The following EXOC4 variants were observed in gnomAD, a reference collection of about 807,000 sequenced individuals.
EXOC4 encodes exocyst complex component 4.
EXOC4 carries 71 observed loss-of-function variants against 107.2 expected under a neutral mutation model. The observed-to-expected ratio is 0.66, with a 90% CI of 0.55 to 0.81. EXOC4 has a LOEUF of 0.81. EXOC4 is among the 30% of genes least tolerant of loss of function. The pLI is 0.00. For missense variants in EXOC4, 1,108 were observed against 1,189.6 expected (o/e 0.93, Z 1.01); for synonymous variants, 456 against 441.2 (o/e 1.03, Z -0.42).
intron 9 of EXOC4, among the ~76,000 whole-genome samples, chr7:133,547,668 A>G (rs1424619718): frequency 6.6e-6 from 1 of 152,202 alleles, no homozygotes; most frequent in East Asian, 1.9e-4. Flanking sequence ...TCAAGAGTAG[A>G]TTACATCTCA....
In EXOC4 at chr7:133,572,561, C is replaced by T. The variant is rs867453776; in HGVS notation, c.1418-57484C>T. 1.0e-3 allele frequency among the ~76,000 whole-genome samples: 156 copies of T among 152,094 alleles called. 1 individual carries two copies. Among genetic ancestry groups the T allele is most frequent in the African/African-American group, 3.5e-3 (147 of 41,494 alleles). On this transcript the variant is annotated intron_variant, in intron 9 of 17. Transcript: ENST00000253861. ...AAAATTGATAGTCTTCCTGTGTGTA[C>T]AGGAAAGATTTCTAGCATTTGAAAG...
intron 7 of EXOC4, among the ~76,000 whole-genome samples, chr7:133,413,041 T>C (rs528712465): frequency 4.6e-5 from 7 of 152,238 alleles, no homozygotes; most frequent in African/African-American, 1.7e-4. Context: ...AGAAGGGTGA[T>C]TGGCATTTTA....
chr7:133,745,468 T>G (rs1795654139), intron 10 of EXOC4, among the ~76,000 whole-genome samples: 1 of 152,094 alleles, frequency 6.6e-6, no homozygotes, highest in South Asian at 2.1e-4. Flanking sequence ...TAGGAAGTAT[T>G]TTGTACACAG....
chr7:133,366,084 G>A (rs1000427113), intron 6 of EXOC4, among the ~76,000 whole-genome samples: 1 of 152,150 alleles, frequency 6.6e-6, no homozygotes, highest in Admixed American at 6.5e-5. Context: ...CTTCTTGGCT[G>A]CAAACGTGGG....
chr7:134,056,344 C>A (rs953869911), intron 17 of EXOC4, among the ~76,000 whole-genome samples: 2 of 152,044 alleles, frequency 1.3e-5, no homozygotes, highest in Non-Finnish European at 2.9e-5. Flanking sequence ...GAGACAAACA[C>A]AATTATGAAA....
intron 9 of EXOC4, among the ~76,000 whole-genome samples, chr7:133,594,072 G>A (rs1169045290): frequency 1.3e-5 from 2 of 152,172 alleles, no homozygotes; most frequent in African/African-American, 2.4e-5. Flanking sequence ...TGACCATTCT[G>A]AGTGTTATTG....
In EXOC4 at chr7:133,483,981, C is replaced by T. The variant is rs377520711; in HGVS notation, c.1417+3843C>T. On this transcript the variant is annotated intron_variant, in intron 9 of 17. Coordinates refer to ENST00000253861, the MANE Select transcript of EXOC4 (RefSeq NM_021807.4). The stretch of plus-strand genomic sequence containing the variant: ...TGTTTCTTCTGTTAACACCATATAG[C>T]GGCAGGCTTTGCTTCCCAGTAATTT... 1.8e-5 allele frequency: 28 copies of T among 1,580,324 alleles called. No individual in the cohort carries two copies. The African/African-American group carries it at 2.3e-4, about 13-fold the overall frequency.
At chr7:133,864,037 C>T (rs1453706773) in intron 11 of EXOC4, among the ~76,000 whole-genome samples, 1 of 152,134 alleles carries the variant, frequency 6.6e-6, no homozygotes, top group African/African-American at 2.4e-5. Context: ...ATCAGTTCTT[C>T]TTTTGTTGAT....
At chr7:134,027,756 G>T (rs536602292) in intron 17 of EXOC4, among the ~76,000 whole-genome samples, 1 of 152,120 alleles carries the variant, frequency 6.6e-6, no homozygotes, top group South Asian at 2.1e-4. Flanking sequence ...TTTGAATTTG[G>T]TAAGAATAGA....
intron 10 of EXOC4, among the ~76,000 whole-genome samples, chr7:133,759,089 C>T (rs376317327): frequency 1.3e-5 from 2 of 152,044 alleles, no homozygotes; most frequent in African/African-American, 4.8e-5. Context: ...AAAACCCCTA[C>T]GGGCACACCT....
At chr7:133,533,178 T>C (rs915804805) in intron 9 of EXOC4, among the ~76,000 whole-genome samples, 1 of 152,172 alleles carries the variant, frequency 6.6e-6, no homozygotes, top group Non-Finnish European at 1.5e-5. Flanking sequence ...AGAAGGCCAC[T>C]TAACCATTTC....
intron 1 of EXOC4, among the ~76,000 whole-genome samples, chr7:133,263,374 CTTTTTTTTTTTTT>C (rs920302686): frequency 1.4e-4 from 12 of 83,986 alleles, no homozygotes; most frequent in Middle Eastern, 0.016. Context: ...AAAAAGCATT[CTTTTTTTTTTTTT>C]TTTTTTTTTT....
intron 3 of EXOC4, among the ~76,000 whole-genome samples, chr7:133,303,305 G>A (rs1166781777): frequency 6.6e-6 from 1 of 152,132 alleles, no homozygotes; most frequent in Non-Finnish European, 1.5e-5. Flanking sequence ...ATGGGGGCAG[G>A]CATCTGTAAT....
intron 10 of EXOC4, among the ~76,000 whole-genome samples, chr7:133,736,151 T>C (rs1339848561): frequency 6.6e-6 from 1 of 152,212 alleles, no homozygotes; most frequent in Non-Finnish European, 1.5e-5. Context: ...CTTACAAGCA[T>C]GCTCATTCTC....
In EXOC4 at chr7:133,415,672, C is replaced by G. The variant is rs370834370; in HGVS notation, c.1182+40670C>G. 5.9e-5 allele frequency among the ~76,000 whole-genome samples: 9 copies of G among 152,162 alleles called. No individual in the cohort carries two copies. In the East Asian group the frequency reaches 1.5e-3, roughly 26 times the overall value. ...AGTGGAGCTTTAGCTATATTTGTGT[C>G]ATTTTATTTCTTAAATAACAAAGGG... On this transcript the variant is annotated intron_variant, in intron 7 of 17. Coordinates refer to ENST00000253861, the MANE Select transcript of EXOC4 (RefSeq NM_021807.4).
At chr7:133,629,975 G>C in intron 9 of EXOC4, 70 bp from the exon 10 acceptor site, 1 of 1,105,878 alleles carries the variant, frequency 9.0e-7, no homozygotes, top group Non-Finnish European at 1.4e-6. Context: ...GACTCATCTA[G>C]ATATGCTTGG....
intron 7 of EXOC4, among the ~76,000 whole-genome samples, chr7:133,436,684 G>C (rs1797983494): frequency 6.6e-6 from 1 of 152,144 alleles, no homozygotes; most frequent in Non-Finnish European, 1.5e-5. Flanking sequence ...GTACGAGCCA[G>C]TGGCTTTCAA....
At chr7:133,552,363 G>T (rs1397661625) in intron 9 of EXOC4, among the ~76,000 whole-genome samples, 11 of 152,138 alleles carry the variant, frequency 7.2e-5, no homozygotes, top group Admixed American at 7.2e-4. Context: ...AGAAATCATT[G>T]AAGATGTCTT....
At chr7:133,483,979 AG>A in intron 9 of EXOC4, 1 of 1,576,436 alleles carries the variant, frequency 6.3e-7, no homozygotes, top group Non-Finnish European at 8.7e-7. Flanking sequence ...AACACCATAT[AG>A]CGGCAGGCTT....
Sources: gnomAD v4.1 joint callset for allele counts (sites outside exome capture counted in the v4.1 genomes callset) on GRCh38, gnomAD v4.1.1 for gene constraint, MANE v1.5 for transcripts, NCBI Gene and HGNC (gene_info 2026-07-23, HGNC 2026-07-21) for gene names.